Variants in MAP1B observed in about 807,000 individuals in gnomAD.
The protein encoded by MAP1B is microtubule-associated protein 1B.
A neutral mutation model predicts 176.1 loss-of-function variants in MAP1B; 12 were observed. The ratio of observed to expected loss-of-function variants is 0.07; its 90% CI spans 0.04 to 0.11. MAP1B has a LOEUF of 0.11. Among genes scored for constraint, MAP1B ranks in the 10% least tolerant of loss-of-function variants. The pLI is 1.00. For synonymous variants in MAP1B, 1,044 were observed against 1,135.0 expected, an observed-to-expected ratio of 0.92 and a Z score of 1.61; for missense variants, 2,523 against 2,990.5, an observed-to-expected ratio of 0.84 and a Z score of 3.65.
Position 72,107,570 on chromosome 5 carries a change from G to C in MAP1B, c.39G>C (p.Pro13=), listed in dbSNP as rs374667844. Residue 13 remains proline (P), a synonymous_variant, in exon 1 of 7, where the codon CCG becomes CCC. Coordinates refer to ENST00000296755, the MANE Select transcript of MAP1B (RefSeq NM_005909.5). ...TVVVEATEPE[P]SGSIANPAAS... Reference sequence around the variant, plus strand: ...TGGTGGAAGCCACCGAGCCGGAGCCGTCCGGCAGCATCGCCAACCCGGCGG... The same window carrying C: ...TGGTGGAAGCCACCGAGCCGGAGCCCTCCGGCAGCATCGCCAACCCGGCGG... 5.0e-6 allele frequency: 8 copies of C among 1,587,442 alleles called. No homozygotes were observed. The African/African-American group carries it at 9.4e-5, about 19-fold the overall frequency.
chr5:72,156,619 G>T (rs1746233299), intron 2 of MAP1B, among the ~76,000 whole-genome samples: 1 of 152,196 alleles, frequency 6.6e-6, no homozygotes, highest in Non-Finnish European at 1.5e-5. Context: ...TTCCAATGCA[G>T]TTCCCATATG....
intron 2 of MAP1B, among the ~76,000 whole-genome samples, chr5:72,138,511 C>G (rs1375750948): frequency 6.6e-6 from 1 of 152,046 alleles, no homozygotes; most frequent in East Asian, 1.9e-4. Context: ...TAATTCCCTA[C>G]CAGGAATTTA....
Position 72,178,585 on chromosome 5 carries a change from G to GC in MAP1B, c.287-5154dup, listed in dbSNP as rs756274528. Among the ~76,000 whole-genome samples, 20 of 152,282 alleles carry GC rather than the reference G, an allele frequency of 1.3e-4. 2 individuals are homozygous for GC. The highest frequency in any genetic ancestry group is 7.7e-4 in the East Asian group (4 of 5,174). On this transcript the variant is annotated intron_variant, in intron 2 of 6. Transcript: ENST00000296755. The stretch of plus-strand genomic sequence containing the variant: ...TGGCTAAAGCCCCTGCCCATGCCCT[G>GC]CCCCTCAGTCCTGGTTACCAATAGT...
chr5:72,145,875 G>C (rs1746036064), intron 2 of MAP1B, among the ~76,000 whole-genome samples: 1 of 152,094 alleles, frequency 6.6e-6, no homozygotes, highest in Non-Finnish European at 1.5e-5. Context: ...TGTTCCACGT[G>C]GGTTCAGTAA....
intron 2 of MAP1B, among the ~76,000 whole-genome samples, chr5:72,152,906 TCTGCTGGGC>T (rs1160785132): frequency 6.6e-6 from 1 of 152,024 alleles, no homozygotes; most frequent in African/African-American, 2.4e-5. Context: ...GCCTGCTGGG[TCTGCTGGGC>T]CTGCTGGAAC....
chr5:72,202,428 C>T (rs1747351502), intron 5 of MAP1B, among the ~76,000 whole-genome samples: 2 of 152,200 alleles, frequency 1.3e-5, no homozygotes, highest in Admixed American at 6.5e-5. Context: ...CTGATTCTCA[C>T]CACTCCCTAA....
At chr5:72,150,938 C>T (rs1746128928) in intron 2 of MAP1B, among the ~76,000 whole-genome samples, 1 of 152,124 alleles carries the variant, frequency 6.6e-6, no homozygotes, top group African/African-American at 2.4e-5. Flanking sequence ...AGTTAGCGGG[C>T]AGCTGTTGAG....
rs2111894058 is a variant in MAP1B, at chr5:72,199,830, G to A, written c.6475G>A (p.Asp2159Asn). The change falls in exon 5 of 7, where the codon GAC becomes AAC. Residue 2159 changes from aspartate to asparagine, a missense_variant. Coordinates refer to ENST00000296755, the MANE Select transcript of MAP1B (RefSeq NM_005909.5). This position sits in a 1 kb window ranked among gnomAD's most constrained non-coding sequence, Gnocchi z 4.2. ...SVSESAPSQT[D>N]SDVPPETEEC... ...CAGCGAGTCAGCCCCATCCCAGACC[G>A]ACTCTGATGTTCCCCCGGAGACTGA... 7 of 1,614,080 alleles carry A rather than the reference G, an allele frequency of 4.3e-6. No homozygotes were observed. The highest frequency in any genetic ancestry group is 3.3e-5 in the Admixed American group (2 of 60,018).
intron 1 of MAP1B, among the ~76,000 whole-genome samples, chr5:72,109,439 C>T (rs1745268989): frequency 6.6e-6 from 1 of 152,154 alleles, no homozygotes; most frequent in Non-Finnish European, 1.5e-5. Context: ...TTTACACATA[C>T]TGACTTTGGG....
In MAP1B at chr5:72,107,607, C is replaced by T. The variant is rs776677825; in HGVS notation, c.76C>T (p.Pro26Ser). ...SIANPAASTSPSLSHRFLDSK... is the reference protein window; with the variant it reads ...SIANPAASTSSSLSHRFLDSK... ...CGCCAACCCGGCGGCGTCCACCTCG[C>T]CTAGCCTGTCGCACCGCTTCCTTGA... The change falls in exon 1 of 7, where the codon CCT becomes TCT. Residue 26 changes from proline to serine, a missense_variant. Pro to Ser is a moderately conservative substitution (Grantham distance 74, BLOSUM62 -1). Around this residue, in one of 4 missense-constraint regions of MAP1B, gnomAD observed 307 missense variants for 438.4 expected, o/e 0.70. Transcript: ENST00000296755. 2 of 1,597,628 alleles carry T rather than the reference C, an allele frequency of 1.3e-6. No homozygotes were observed. Among genetic ancestry groups the T allele is most frequent in the South Asian group, 1.1e-5 (1 of 90,426 alleles).
At chr5:72,148,868 T>G (rs936949837) in intron 2 of MAP1B, among the ~76,000 whole-genome samples, 3 of 152,202 alleles carry the variant, frequency 2.0e-5, no homozygotes, top group African/African-American at 7.2e-5. Flanking sequence ...CTTGGAGCAT[T>G]CACATGGCTG....
chr5:72,140,874 A>G (rs1745935505), intron 2 of MAP1B, among the ~76,000 whole-genome samples: 1 of 152,216 alleles, frequency 6.6e-6, no homozygotes, highest in African/African-American at 2.4e-5. Flanking sequence ...TTTTGTCTGA[A>G]TCCCCATCTC....
At chr5:72,111,226 A>T (rs1008668675) in intron 1 of MAP1B, among the ~76,000 whole-genome samples, 1 of 152,142 alleles carries the variant, frequency 6.6e-6, no homozygotes, top group Admixed American at 6.5e-5. Flanking sequence ...TGCAAACTGA[A>T]TTCTAGAGCC....
At chr5:72,153,709 T>C (rs1337673825) in intron 2 of MAP1B, among the ~76,000 whole-genome samples, 1 of 152,206 alleles carries the variant, frequency 6.6e-6, no homozygotes, top group African/African-American at 2.4e-5. Context: ...GTTCCCCTTC[T>C]GTTAGTCTTC....
At chr5:72,118,344 G>A (rs1745468045) in intron 2 of MAP1B, among the ~76,000 whole-genome samples, 1 of 151,458 alleles carries the variant, frequency 6.6e-6, no homozygotes, top group Non-Finnish European at 1.5e-5. Context: ...TTAGAACCAA[G>A]GAGCAAGATG....
At chr5:72,116,071 C>A in intron 2 of MAP1B, 1 of 351,112 alleles carries the variant, frequency 2.8e-6, no homozygotes, top group Non-Finnish European at 5.4e-6. Flanking sequence ...TCAATGATCA[C>A]ACAAATTTTG....
chr5:72,131,924 T>C (rs547589249), intron 2 of MAP1B, among the ~76,000 whole-genome samples: 1 of 152,314 alleles, frequency 6.6e-6, no homozygotes, highest in East Asian at 1.9e-4. Context: ...CACCATTTAC[T>C]TTTTGGTTGA....
intron 2 of MAP1B, among the ~76,000 whole-genome samples, chr5:72,120,640 A>C (rs561401310): frequency 6.6e-6 from 1 of 151,874 alleles, no homozygotes; most frequent in African/African-American, 2.4e-5. Context: ...ATTAGCCAGG[A>C]TGGTCTCGAT....
At chr5:72,112,641 A>G (rs578256431) in intron 1 of MAP1B, among the ~76,000 whole-genome samples, 8 of 152,288 alleles carry the variant, frequency 5.3e-5, no homozygotes, top group African/African-American at 1.9e-4. Flanking sequence ...GGTCCCAAGG[A>G]GCTCACTTTC....
Sources: gnomAD v4.1 joint callset for allele counts (sites outside exome capture counted in the v4.1 genomes callset) on GRCh38, gnomAD v4.1.1 for gene constraint, gnomAD v4.1.1 regional missense constraint, Gnocchi (gnomAD v3.1) non-coding constraint, MANE v1.5 for transcripts, NCBI Gene and HGNC (gene_info 2026-07-23, HGNC 2026-07-21) for gene names.